Variants in RADIL observed in about 807,000 individuals in gnomAD.
RADIL encodes the protein Rap associating with DIL domain, also known as ras-associating and dilute domain-containing protein.
Under a neutral mutation model 97.6 loss-of-function variants are expected in RADIL, and 99 were observed. The ratio of observed to expected loss-of-function variants is 1.01; its 90% CI spans 0.86 to 1.20. The LOEUF (loss-of-function observed/expected upper bound fraction) is 1.20, where lower values mean the gene tolerates loss of function less well. Among genes scored for constraint, RADIL ranks in the 50% most tolerant of loss-of-function variants. The pLI, the probability that RADIL is intolerant of heterozygous loss-of-function variation, is 0.00. For missense variants in RADIL, 1,765 were observed against 1,498.9 expected (o/e 1.18, Z -2.93); for synonymous variants, 803 against 691.8 (o/e 1.16, Z -2.52).
At chr7:4,861,834 G>GCACGTCCCCACCACCGCGACCTT (rs1554264945) in intron 2 of RADIL, 2 of 1,268,416 alleles carry the variant, frequency 1.6e-6, no homozygotes, top group Non-Finnish European at 2.1e-6. Context: ...CCCCGCCAGG[G>GCACGTCCCCACCACCGCGACCTT]CACGTCCCCC....
chr7:4,841,209 C>T (rs561962122), intron 2 of RADIL, among the ~76,000 whole-genome samples: 1 of 152,206 alleles, frequency 6.6e-6, no homozygotes. Flanking sequence ...AGGCCGAGGT[C>T]AGCTGTGGCC....
chr7:4,822,431 G>A lies in RADIL; in HGVS notation c.1578C>T (p.Leu526=). The A allele has an allele frequency of 6.2e-7, 1 of 1,612,928 alleles. No homozygotes were observed. Among genetic ancestry groups the A allele is most frequent in the Non-Finnish European group, 8.5e-7 (1 of 1,179,950 alleles). The part of the protein sequence containing the change: ...LLYFIQQKCP[L]YMQSMEEQLD... ...GCTGCTCCTCCATGCTCTGCATGTA[G>A]AGTGGGCATTTCTGCTGGATAAAGT... Residue 526 remains leucine (L), a synonymous_variant, in exon 6 of 15, where the codon CTC becomes CTT. Transcript: ENST00000399583. This position sits in a 1 kb window ranked among gnomAD's most constrained non-coding sequence, Gnocchi z 5.3.
chr7:4,863,713 T>C (rs1331451691), intron 2 of RADIL, among the ~76,000 whole-genome samples: 2 of 152,230 alleles, frequency 1.3e-5, no homozygotes, highest in East Asian at 3.8e-4. Flanking sequence ...TTTCACCAGG[T>C]AGCAGATTCT....
At chr7:4,816,833 C>T (rs888903990) in intron 7 of RADIL, among the ~76,000 whole-genome samples, 1 of 152,158 alleles carries the variant, frequency 6.6e-6, no homozygotes, top group African/African-American at 2.4e-5. Flanking sequence ...ACCGCACCCC[C>T]GATGCACCCC....
chr7:4,830,133 G>A (rs375114538), intron 5 of RADIL, among the ~76,000 whole-genome samples: 12 of 152,316 alleles, frequency 7.9e-5, no homozygotes, highest in Middle Eastern at 3.4e-3. Context: ...TCATACGTAC[G>A]TGTGTGTGCG....
At chr7:4,800,415 T>C (rs1782043308) in intron 12 of RADIL, 105 bp from the exon 13 acceptor site, 2 of 1,169,054 alleles carry the variant, frequency 1.7e-6, no homozygotes, top group Non-Finnish European at 2.3e-6. Flanking sequence ...AGGGATGGGA[T>C]GGCCTCCTGT....
chr7:4,870,012 G>A (rs1019546205), intron 2 of RADIL, among the ~76,000 whole-genome samples: 1 of 152,166 alleles, frequency 6.6e-6, no homozygotes, highest in Non-Finnish European at 1.5e-5. Context: ...GTTGGCATGT[G>A]CCTGTGTTCT....
intron 4 of RADIL, 35 bp from the exon 5 acceptor site, chr7:4,832,213 C>A (rs1202507082): frequency 6.3e-7 from 1 of 1,599,858 alleles, no homozygotes; most frequent in Non-Finnish European, 8.5e-7. Flanking sequence ...AGCAAGTGAG[C>A]AAAACAGGCT....
chr7:4,838,716 G>A (rs965507711), intron 2 of RADIL, among the ~76,000 whole-genome samples: 2 of 152,252 alleles, frequency 1.3e-5, no homozygotes, highest in African/African-American at 4.8e-5. Flanking sequence ...GGGGCCGGAG[G>A]TGAGGCCTCT....
At chr7:4,816,003 G>A (rs1256816959) in intron 8 of RADIL, among the ~76,000 whole-genome samples, 8 of 152,162 alleles carry the variant, frequency 5.3e-5, no homozygotes, top group East Asian at 1.9e-4. Context: ...CCTCTCGGCC[G>A]TGGCTTCTCT....
rs79582413 is a variant in RADIL at position 4,799,112 on chromosome 7, G to T, written c.*266C>A. The stretch of plus-strand genomic sequence containing the variant: ...CCCCAGCAGGGCACCCTCTAAGAAC[G>T]GGAAAAATAGTTTATTGAACCGTAC... On this transcript the variant is annotated 3_prime_UTR_variant, in exon 15 of 15. Coordinates refer to ENST00000399583, the MANE Select transcript of RADIL (RefSeq NM_018059.5). 25 of 458,864 alleles carry T rather than the reference G, an allele frequency of 5.4e-5. No individual in the cohort carries two copies. In the South Asian group the frequency reaches 5.9e-4, roughly 11 times the overall value. The allele number at this position is 458,864 out of a possible 1,614,324, so 28.4% of individuals were successfully genotyped here.
chr7:4,823,271 C>G (rs1002202191), intron 5 of RADIL, among the ~76,000 whole-genome samples: 25 of 150,610 alleles, frequency 1.7e-4, no homozygotes, highest in Non-Finnish European at 3.1e-4. Context: ...GCCTGGCCAA[C>G]ATGGCAAAAC....
At chr7:4,836,278 G>A in intron 3 of RADIL, 80 bp downstream of exon 3, 1 of 1,541,214 alleles carries the variant, frequency 6.5e-7, no homozygotes, top group Non-Finnish European at 8.7e-7. Flanking sequence ...GCTAAAGGCA[G>A]GCGGAGGCCT....
intron 5 of RADIL, among the ~76,000 whole-genome samples, chr7:4,826,195 G>A (rs1468973905): frequency 2.0e-5 from 3 of 152,064 alleles, no homozygotes; most frequent in Non-Finnish European, 4.4e-5. Flanking sequence ...GCAACAGAGT[G>A]AGACCCTGTC....
intron 3 of RADIL, 94 bp downstream of exon 3, chr7:4,836,264 C>A: frequency 3.3e-6 from 5 of 1,523,928 alleles, no homozygotes; most frequent in Non-Finnish European, 4.4e-6. Flanking sequence ...TCGCGGCCGA[C>A]TGGGCTAAAG....
At position 4,879,828 on chromosome 7, in the gene RADIL, G is replaced by A. The variant is rs61035031; in HGVS notation, c.-64-1625C>T. On this transcript the variant is annotated intron_variant, in intron 1 of 14. Coordinates refer to ENST00000399583, the MANE Select transcript of RADIL (RefSeq NM_018059.5). The surrounding 1 kb of genome is among the most constrained non-coding windows in gnomAD (Gnocchi z 4.1). ...GGCCTCTTTCTAATATCACCGGGGC[G>A]TGGGTCATCTTCTCTGGAGCCTCTC... 0.084 allele frequency among the ~76,000 whole-genome samples: 12,824 copies of A among 152,204 alleles called. 897 individuals carry two copies. The highest frequency in any genetic ancestry group is 0.19 in the African/African-American group (7,779 of 41,512).
At chr7:4,829,308 C>T (rs2115214512) in intron 5 of RADIL, among the ~76,000 whole-genome samples, 1 of 152,264 alleles carries the variant, frequency 6.6e-6, no homozygotes, top group South Asian at 2.1e-4. Context: ...TCTCAGAGGC[C>T]AGGACCCACC....
Position 4,803,606 on chromosome 7 carries a change from T to C in RADIL, c.2439A>G (p.Arg813=), listed in dbSNP as rs1782192631. Residue 813 remains arginine, a synonymous_variant, in exon 11 of 15, where the codon AGA becomes AGG. Transcript: ENST00000399583. The stretch of plus-strand genomic sequence containing the variant: ...GCCTGCCAGGGCTGCCGGGGCTGGC[T>C]CTGCTCCGCAGACCCCACAGAAAGT... ...VRHFLWGLRS[R]ASPGSPGRPG... is the part of the protein sequence containing the mutation. The C allele has an allele frequency of 6.5e-7, 1 of 1,544,100 alleles. No individual in the cohort carries two copies. Among genetic ancestry groups the C allele is most frequent in the African/African-American group, 1.4e-5 (1 of 69,710 alleles).
intron 2 of RADIL, among the ~76,000 whole-genome samples, chr7:4,857,277 T>C (rs773263968): frequency 8.5e-5 from 13 of 152,204 alleles, no homozygotes; most frequent in South Asian, 2.1e-4. Context: ...AATGTTGTTA[T>C]TATCCCAGCT....
Sources: gnomAD v4.1 joint callset for allele counts (sites outside exome capture counted in the v4.1 genomes callset) on GRCh38, gnomAD v4.1.1 for gene constraint, Gnocchi (gnomAD v3.1) non-coding constraint, MANE v1.5 for transcripts, NCBI Gene and HGNC (gene_info 2026-07-23, HGNC 2026-07-21) for gene names.